The following CGGBP1 variants were observed in gnomAD, a reference collection of about 807,000 sequenced individuals.
The protein encoded by CGGBP1 is CGG triplet repeat binding protein 1.
CGGBP1 carries 4 observed loss-of-function variants against 11.4 expected under a neutral mutation model. That is an observed-to-expected ratio of 0.35 (90% CI 0.17 to 0.80). The LOEUF is 0.80. CGGBP1 is among the 30% of genes least tolerant of loss of function. The pLI is 0.52. For synonymous variants in CGGBP1, 76 were observed against 74.1 expected (o/e 1.03, Z -0.13); for missense variants, 135 against 202.1 (o/e 0.67, Z 2.01).
At chr3:88,102,373 A>T (rs962082586) in intron 2 of CGGBP1, among the ~76,000 whole-genome samples, 1 of 152,142 alleles carries the variant, frequency 6.6e-6, no homozygotes. Flanking sequence ...TTTATTTTAA[A>T]TAGTTTTCTA....
At chr3:88,148,797 G>A (rs144146331) in intron 1 of CGGBP1, among the ~76,000 whole-genome samples, 170 of 152,220 alleles carry the variant, frequency 1.1e-3, no homozygotes, top group African/African-American at 3.8e-3. Context: ...CCGCCACCAT[G>A]CCAGGCTAAT....
intron 2 of CGGBP1, chr3:88,129,606 C>T: frequency 9.0e-7 from 1 of 1,109,202 alleles, no homozygotes; most frequent in East Asian, 2.6e-5. Context: ...AGCAATTTCT[C>T]TTGAATGTTT....
chr3:88,103,993 C>A (rs1025397312), intron 2 of CGGBP1, among the ~76,000 whole-genome samples: 40 of 151,948 alleles, frequency 2.6e-4, no homozygotes, highest in Admixed American at 1.9e-3. Flanking sequence ...AACTCCTTAC[C>A]TCAGGCGATC....
chr3:88,124,177 T>A (rs535129528), intron 2 of CGGBP1, among the ~76,000 whole-genome samples: 1 of 152,238 alleles, frequency 6.6e-6, no homozygotes, highest in Non-Finnish European at 1.5e-5. Flanking sequence ...TACTAGGTGC[T>A]AGGCACTGTT....
At chr3:88,085,607 C>T in intron 2 of CGGBP1, among the ~76,000 whole-genome samples, 1 of 152,148 alleles carries the variant, frequency 6.6e-6, no homozygotes. Flanking sequence ...AATGTTTTCT[C>T]ATAAATTACC....
chr3:88,069,139 A>G (rs1327739507), intron 2 of CGGBP1, among the ~76,000 whole-genome samples: 1 of 55,836 alleles, frequency 1.8e-5, no homozygotes, highest in East Asian at 7.0e-4. Context: ...AGTGATTCTC[A>G]GGCCAGGCGC....
intron 2 of CGGBP1, among the ~76,000 whole-genome samples, chr3:88,077,356 CG>C: frequency 7.2e-6 from 1 of 139,598 alleles, no homozygotes; most frequent in South Asian, 2.2e-4. Context: ...TTTTTTGAGA[CG>C]GAGTCTCGCT....
chr3:88,144,272 T>C (rs1213821314), intron 1 of CGGBP1: 1 of 152,358 alleles, frequency 6.6e-6, no homozygotes. Context: ...ATAATTTATA[T>C]CATTGAACTT....
intron 1 of CGGBP1, among the ~76,000 whole-genome samples, chr3:88,145,288 GAAA>G (rs936924476): frequency 6.6e-6 from 1 of 151,924 alleles, no homozygotes; most frequent in Non-Finnish European, 1.5e-5. Flanking sequence ...CTTTAAGTAG[GAAA>G]AAAACTTTTG....
chr3:88,139,903 A>G (rs1210422460), intron 2 of CGGBP1: 2 of 1,613,266 alleles, frequency 1.2e-6, no homozygotes, highest in Admixed American at 1.7e-5. Flanking sequence ...CAAGAAGGAA[A>G]CTTTAAGTGT....
chr3:88,056,053 A>G (rs930245447), intron 3 of CGGBP1, 54 bp from the exon 4 acceptor site: 2 of 1,330,432 alleles, frequency 1.5e-6, no homozygotes, highest in East Asian at 4.6e-5. Flanking sequence ...TCATTCTGGA[A>G]GTAATGAACA....
intron 2 of CGGBP1, among the ~76,000 whole-genome samples, chr3:88,083,188 G>C (rs774074346): frequency 1.5e-4 from 23 of 152,130 alleles, no homozygotes; most frequent in Non-Finnish European, 2.6e-4. Context: ...CCCATCGGGG[G>C]GTTAGGGCTT....
chr3:88,130,419 CATA>C (rs1278331982), intron 2 of CGGBP1, among the ~76,000 whole-genome samples: 1 of 151,960 alleles, frequency 6.6e-6, no homozygotes, highest in African/African-American at 2.4e-5. Context: ...AGCTGCAAAT[CATA>C]ATACTTCAAT....
chr3:88,103,890 C>A (rs1044844371), intron 2 of CGGBP1, among the ~76,000 whole-genome samples: 1 of 151,302 alleles, frequency 6.6e-6, no homozygotes. Context: ...CCTCAGTCTC[C>A]CAAGTAGCTG....
At chr3:88,136,924 A>G (rs1381902070) in intron 2 of CGGBP1, among the ~76,000 whole-genome samples, 3 of 152,062 alleles carry the variant, frequency 2.0e-5, no homozygotes, top group African/African-American at 7.2e-5. Flanking sequence ...GCTGGGCGCG[A>G]TGGCTTACAC....
rs748293372 is a variant in CGGBP1 at position 88,055,749 on chromosome 3, C to T, written c.228G>A (p.Glu76=). ...THTKRKAEFE[E]QNVRKKQRPL... is the part of the protein sequence containing the mutation. Reference sequence around the variant, plus strand: ...GCCTCTGCTTCTTTCTCACATTCTGCTCTTCAAATTCTGCCTTCCTCTTGG... The same window carrying T: ...GCCTCTGCTTCTTTCTCACATTCTGTTCTTCAAATTCTGCCTTCCTCTTGG... Residue 76 remains glutamate (E), a synonymous_variant, in exon 4 of 4, where the codon GAG becomes GAA. Coordinates refer to ENST00000482016, the MANE Select transcript of CGGBP1 (RefSeq NM_001008390.2). This position sits in a 1 kb window ranked among gnomAD's most constrained non-coding sequence, Gnocchi z 4.2. The T allele has an allele frequency of 1.8e-5, 29 of 1,614,078 alleles. No homozygotes were observed. The East Asian group carries it at 4.2e-4, about 24-fold the overall frequency.
At chr3:88,140,698 T>G in intron 2 of CGGBP1, 2 of 1,613,798 alleles carry the variant, frequency 1.2e-6, no homozygotes. Flanking sequence ...GGTTCCATTT[T>G]GCCCAGTGTT....
chr3:88,064,194 G>A (rs1004715318), intron 2 of CGGBP1, among the ~76,000 whole-genome samples: 1 of 151,484 alleles, frequency 6.6e-6, no homozygotes, highest in African/African-American at 2.4e-5. Flanking sequence ...TTCTCCAGAG[G>A]CTATCACTGG....
chr3:88,117,952 A>G (rs1705512579), intron 2 of CGGBP1, among the ~76,000 whole-genome samples: 2 of 152,068 alleles, frequency 1.3e-5, no homozygotes, highest in Non-Finnish European at 2.9e-5. Flanking sequence ...GATTAAAAAA[A>G]AAAAACAACC....
Sources: gnomAD v4.1 joint callset for allele counts (sites outside exome capture counted in the v4.1 genomes callset) on GRCh38, gnomAD v4.1.1 for gene constraint, Gnocchi (gnomAD v3.1) non-coding constraint, MANE v1.5 for transcripts, NCBI Gene and HGNC (gene_info 2026-07-23, HGNC 2026-07-21) for gene names.